The following DNMT3A variants were observed in gnomAD, a reference collection of about 807,000 sequenced individuals.
DNMT3A encodes the protein DNA methyltransferase 3 alpha.
A neutral mutation model predicts 117.6 loss-of-function variants in DNMT3A; 267 were observed. The ratio of observed to expected loss-of-function variants is 2.27; its 90% confidence interval spans 2.05 to 2.51. The LOEUF (loss-of-function observed/expected upper bound fraction) is 2.51. Among genes scored for constraint, DNMT3A ranks in the 30% most tolerant of loss-of-function variants. The pLI is 0.00. For synonymous variants in DNMT3A, 432 were observed against 474.8 expected, an observed-to-expected ratio of 0.91 and a Z score of 1.17; for missense variants, 1,029 against 1,260.2, an observed-to-expected ratio of 0.82 and a Z score of 2.78.
Position 25,247,728 on chromosome 2 carries a change from CA to C in DNMT3A, c.876del (p.Ile292MetfsTer24), listed in dbSNP as rs1271476754. The C allele has an allele frequency of 6.2e-7, 1 of 1,613,150 alleles. No individual in the cohort carries two copies. The highest frequency in any genetic ancestry group is 8.5e-7 in the Non-Finnish European group (1 of 1,180,008). On this transcript the variant is annotated frameshift_variant, in exon 8 of 23. Coordinates refer to ENST00000321117, the MANE Select transcript of DNMT3A (RefSeq NM_022552.5). LOFTEE classifies it high-confidence loss of function. This position sits in a 1 kb window ranked among gnomAD's most constrained non-coding sequence, Gnocchi z 5.6. Reference sequence around the variant, plus strand: ...CGCAGTTTCCCCCACACCAGCTCCCCAATGCCAAAGCCCCGGCCGTCCTGGA... The same window carrying C: ...CGCAGTTTCCCCCACACCAGCTCCCCATGCCAAAGCCCCGGCCGTCCTGGA... ...PEYEDGRGFG[I>X]GELVWGKLRG...
At position 25,313,958 on chromosome 2, in the gene DNMT3A, G is replaced by C. The variant is rs41284843; in HGVS notation, c.27C>G (p.Pro9=). Residue 9 remains proline, a synonymous_variant, in exon 2 of 23, where the codon CCC becomes CCG. Coordinates refer to ENST00000321117, the MANE Select transcript of DNMT3A (RefSeq NM_022552.5). The part of the protein sequence containing the change: MPAMPSSG[P]GDTSSSAAER... ...CCGCAGCAGAGCTGCTGGTGTCCCC[G>C]GGGCCGCTGGAGGGCATGGCGGGCA... is the stretch of plus-strand genomic sequence containing the variant. The C allele has an allele frequency of 1.9e-6, 3 of 1,549,208 alleles. No homozygotes were observed. The highest frequency in any genetic ancestry group is 2.4e-5 in the East Asian group (1 of 41,340).
intron 4 of DNMT3A, among the ~76,000 whole-genome samples, chr2:25,280,276 C>T (rs1457344783): frequency 6.6e-6 from 1 of 151,318 alleles, no homozygotes; most frequent in East Asian, 1.9e-4. Flanking sequence ...CTGATTACAT[C>T]ACACACACTG....
chr2:25,245,411 C>A, intron 12 of DNMT3A, 79 bp from the exon 13 acceptor site: 8 of 1,357,408 alleles, frequency 5.9e-6, no homozygotes, highest in Admixed American at 3.9e-5. Context: ...AGCACCAGAC[C>A]AGCCACAAAA....
chr2:25,256,093 T>C (rs923290925), intron 6 of DNMT3A, among the ~76,000 whole-genome samples: 2 of 152,238 alleles, frequency 1.3e-5, no homozygotes, highest in East Asian at 1.9e-4. Flanking sequence ...GCAACACATA[T>C]GAAGTCACTG....
At chr2:25,291,194 C>A (rs981649549) in intron 3 of DNMT3A, among the ~76,000 whole-genome samples, 3 of 152,226 alleles carry the variant, frequency 2.0e-5, no homozygotes, top group Non-Finnish European at 4.4e-5. Flanking sequence ...CTCTGCAGGC[C>A]CATCACCCCT....
rs748208774 is a variant in DNMT3A, at chr2:25,244,623, G to C, written c.1584C>G (p.Tyr528Ter). Reference protein sequence around the residue: ...KNCFLECAYQYDDDGYQSYCT... With the variant: ...KNCFLECAYQ ...AGTAGGACTGGTAGCCGTCGTCGTCGTACTGGTACGCACACTCCAGAAAGC... is the reference window on the plus strand; with the variant it reads ...AGTAGGACTGGTAGCCGTCGTCGTCCTACTGGTACGCACACTCCAGAAAGC... Residue 528 changes from tyrosine (Y) to a stop codon, truncating the protein, a stop_gained, in exon 14 of 23, where the codon TAC becomes TAG. Coordinates refer to ENST00000321117, the MANE Select transcript of DNMT3A (RefSeq NM_022552.5). LOFTEE classifies it high-confidence loss of function. 1.2e-6 allele frequency: 2 copies of C among 1,613,996 alleles called. No homozygotes were observed. Among genetic ancestry groups the C allele is most frequent in the Non-Finnish European group, 8.5e-7 (1 of 1,179,992 alleles).
rs1429873039 is a variant in DNMT3A, at chr2:25,257,164, A to C, written c.640-8912T>G. 1.3e-5 allele frequency among the ~76,000 whole-genome samples: 2 copies of C among 152,320 alleles called. No homozygotes were observed. Among genetic ancestry groups the C allele is most frequent in the East Asian group, 3.9e-4 (2 of 5,176 alleles). ...GCTGGCAGTGAAGCTAAAAATAGCC[A>C]TGAAGCCAACAGCGTGGAGTTAGCA... On this transcript the variant is annotated intron_variant, in intron 6 of 22. Transcript: ENST00000321117. This position sits in a 1 kb window ranked among gnomAD's most constrained non-coding sequence, Gnocchi z 4.8.
chr2:25,250,525 C>A (rs1031267382), intron 6 of DNMT3A, among the ~76,000 whole-genome samples: 13 of 152,196 alleles, frequency 8.5e-5, no homozygotes, highest in Non-Finnish European at 1.6e-4. Context: ...CTCACCTGGC[C>A]AGAACTCTGC....
At chr2:25,295,025 A>T (rs2033006268) in intron 3 of DNMT3A, among the ~76,000 whole-genome samples, 1 of 152,184 alleles carries the variant, frequency 6.6e-6, no homozygotes, top group African/African-American at 2.4e-5. Flanking sequence ...TAGGGGATGG[A>T]GCCCCACAGG....
intron 3 of DNMT3A, among the ~76,000 whole-genome samples, chr2:25,292,609 A>C (rs2032840551): frequency 6.6e-6 from 1 of 152,170 alleles, no homozygotes; most frequent in Non-Finnish European, 1.5e-5. Context: ...ACATGATTTC[A>C]TAGCCTTAAT....
chr2:25,291,310 T>A (rs1167028464), intron 3 of DNMT3A, among the ~76,000 whole-genome samples: 1 of 152,226 alleles, frequency 6.6e-6, no homozygotes, highest in Non-Finnish European at 1.5e-5. Context: ...GGGCCATGAC[T>A]GCCCGCCCCC....
At chr2:25,335,446 C>G (rs1222848960) in intron 1 of DNMT3A, among the ~76,000 whole-genome samples, 3 of 152,192 alleles carry the variant, frequency 2.0e-5, no homozygotes, top group Non-Finnish European at 4.4e-5. Flanking sequence ...GCCTCCTGCC[C>G]CCAGACCATG....
chr2:25,250,167 T>C (rs899568058), intron 6 of DNMT3A, among the ~76,000 whole-genome samples: 8 of 152,324 alleles, frequency 5.3e-5, no homozygotes, highest in African/African-American at 1.9e-4. Context: ...TCCCAAAGCC[T>C]GTCAATGGAC....
chr2:25,229,079 C>T lies in DNMT3A; in HGVS notation c.*5200G>A, dbSNP rs1241750734. On this transcript the variant is annotated 3_prime_UTR_variant, in exon 23 of 23. Transcript: ENST00000321117. ...TCCCTCCCCCAAAACTCTGCTGCCT[C>T]GGGTCAGAGACAGGTCACCCACCAA... The T allele has an allele frequency of 2.0e-5, 3 of 152,290 alleles. No homozygotes were observed. The highest frequency in any genetic ancestry group is 1.9e-4 in the East Asian group (1 of 5,202). 9.4% of individuals were successfully genotyped at this position (152,290 alleles called of 1,614,324 possible).
intron 6 of DNMT3A, among the ~76,000 whole-genome samples, chr2:25,262,047 G>A (rs1232407283): frequency 1.3e-5 from 2 of 151,890 alleles, no homozygotes; most frequent in Non-Finnish European, 2.9e-5. Flanking sequence ...AAAATTAGCT[G>A]GGCATGGCAG....
At chr2:25,291,464 C>T (rs34655300) in intron 3 of DNMT3A, among the ~76,000 whole-genome samples, 59,940 of 152,164 alleles carry the variant, frequency 0.39, 12,256 homozygotes, top group Middle Eastern at 0.47. Flanking sequence ...TGCCCCCTTG[C>T]TCGGCCTTCC....
intron 6 of DNMT3A, among the ~76,000 whole-genome samples, chr2:25,253,441 C>A (rs1675830508): frequency 6.6e-6 from 1 of 152,090 alleles, no homozygotes; most frequent in Non-Finnish European, 1.5e-5. Flanking sequence ...GAGGTCAGTT[C>A]CAGGTGAGCC....
At position 25,229,950 on chromosome 2, in the gene DNMT3A, C is replaced by T. The variant is rs535676126; in HGVS notation, c.*4329G>A. On this transcript the variant is annotated 3_prime_UTR_variant, in exon 23 of 23. Coordinates refer to ENST00000321117, the MANE Select transcript of DNMT3A (RefSeq NM_022552.5). ...GGCCTGGTGGCCAATTATCGGGAAG[C>T]AAGGGGAGCTGGGCCCTGTGAGACC... 2 of 152,336 alleles carry T rather than the reference C, an allele frequency of 1.3e-5. No individual in the cohort carries two copies. The highest frequency in any genetic ancestry group is 4.1e-4 in the South Asian group (2 of 4,828). 9.4% of individuals were successfully genotyped at this position (152,336 alleles called of 1,614,324 possible). A position where few individuals can be genotyped will look rare whatever the true frequency, so the allele number is the denominator to read the frequency against.
At chr2:25,319,107 C>A (rs528141892) in intron 1 of DNMT3A, among the ~76,000 whole-genome samples, 3 of 146,658 alleles carry the variant, frequency 2.0e-5, no homozygotes, top group African/African-American at 7.6e-5. Flanking sequence ...CTCCACCTCC[C>A]GGGTTCATGC....
Sources: gnomAD v4.1 joint callset for allele counts (sites outside exome capture counted in the v4.1 genomes callset) on GRCh38, gnomAD v4.1.1 for gene constraint, Gnocchi (gnomAD v3.1) non-coding constraint, MANE v1.5 for transcripts, NCBI Gene and HGNC (gene_info 2026-07-23, HGNC 2026-07-21) for gene names.